PCDH15: variants seen among roughly 807,000 people sequenced by gnomAD.
PCDH15 encodes protocadherin-15.
A neutral mutation model predicts 178.5 loss-of-function variants in PCDH15; 129 were observed. The observed-to-expected ratio is 0.72, with a 90% CI of 0.63 to 0.84. The LOEUF is 0.84. Ranked by LOEUF, PCDH15 falls within the 40% of genes least tolerant of loss-of-function variation. The probability of loss-of-function intolerance (pLI) is 0.00; values close to 1 mark genes in which losing one functional copy is unlikely to be tolerated. For missense variants in PCDH15, 2,230 were observed against 2,099.9 expected (o/e 1.06, Z -1.21); for synonymous variants, 800 against 732.0 (o/e 1.09, Z -1.50).
At chr10:55,391,644 AC>A (rs1837796051) in intron 2 of PCDH15, among the ~76,000 whole-genome samples, 1 of 151,664 alleles carries the variant, frequency 6.6e-6, no homozygotes, top group Non-Finnish European at 1.5e-5. Flanking sequence ...GCACCACCAC[AC>A]CCGCCTAATT....
chr10:54,821,775 A>G (rs1953045439), intron 3 of PCDH15, among the ~76,000 whole-genome samples: 1 of 152,104 alleles, frequency 6.6e-6, no homozygotes. Context: ...AATTGTGAGC[A>G]TTGTCATTTT....
chr10:55,305,062 T>C (rs1459877227), intron 1 of PCDH15, among the ~76,000 whole-genome samples: 1 of 152,204 alleles, frequency 6.6e-6, no homozygotes, highest in Non-Finnish European at 1.5e-5. Flanking sequence ...AAGAAGCCAC[T>C]GCTTCCATAT....
chr10:54,288,328 T>A (rs1348831316), intron 8 of PCDH15, among the ~76,000 whole-genome samples: 3 of 151,790 alleles, frequency 2.0e-5, no homozygotes, highest in African/African-American at 7.2e-5. Context: ...TCTAAATAAA[T>A]ACATAAATAA....
At position 54,263,087 on chromosome 10, in the gene PCDH15, C is replaced by A. The variant is rs144287261; in HGVS notation, c.877-26156G>T. ...CTCTACACTTGAAATACTGTATTTT[C>A]TTTGTCTCATGTTGTGTTTTGAGAC... On this transcript the variant is annotated intron_variant, in intron 8 of 37. Coordinates refer to ENST00000644397, the MANE Select transcript of PCDH15 (RefSeq NM_001384140.1). Among the ~76,000 whole-genome samples the A allele has an allele frequency of 7.9e-3, 1,189 of 150,352 alleles. 10 individuals carry two copies. The highest frequency in any genetic ancestry group is 0.033 in the South Asian group (160 of 4,828).
chr10:54,251,177 A>C (rs1258357670), intron 8 of PCDH15, among the ~76,000 whole-genome samples: 2 of 152,136 alleles, frequency 1.3e-5, no homozygotes, highest in Non-Finnish European at 2.9e-5. Context: ...AGTTCTACCT[A>C]ATCTTTGCTT....
intron 26 of PCDH15, among the ~76,000 whole-genome samples, chr10:53,897,044 T>G (rs1372268169): frequency 6.6e-6 from 1 of 152,166 alleles, no homozygotes; most frequent in Non-Finnish European, 1.5e-5. Flanking sequence ...GTGAAAAAAT[T>G]GTTTTCCACA....
At chr10:54,231,180 A>G (rs1564739845) in intron 9 of PCDH15, among the ~76,000 whole-genome samples, 2 of 152,176 alleles carry the variant, frequency 1.3e-5, no homozygotes, top group Admixed American at 6.5e-5. Context: ...GTGGGCCAGG[A>G]CCACGGCTCC....
chr10:54,202,323 GA>G (rs1427023915), intron 10 of PCDH15, among the ~76,000 whole-genome samples: 45 of 145,380 alleles, frequency 3.1e-4, no homozygotes, highest in African/African-American at 7.6e-4. Context: ...CTTAGGAAGA[GA>G]AAAAAAAAAG....
chr10:54,831,273 A>G (rs1459423726), intron 3 of PCDH15, among the ~76,000 whole-genome samples: 2 of 152,094 alleles, frequency 1.3e-5, no homozygotes, highest in East Asian at 3.9e-4. Flanking sequence ...TATTCATGGG[A>G]ACATGAAATA....
At chr10:54,125,513 T>C (rs965331549) in intron 15 of PCDH15, among the ~76,000 whole-genome samples, 2 of 152,170 alleles carry the variant, frequency 1.3e-5, no homozygotes, top group African/African-American at 4.8e-5. Flanking sequence ...ACCTTATAGG[T>C]AGATGTACTT....
At chr10:54,011,771 A>C (rs1329674790) in intron 20 of PCDH15, among the ~76,000 whole-genome samples, 1 of 152,220 alleles carries the variant, frequency 6.6e-6, no homozygotes, top group Non-Finnish European at 1.5e-5. Flanking sequence ...TCCTCTGAAA[A>C]CATCTAAATA....
chr10:54,848,345 G>A (rs919361730), intron 3 of PCDH15, among the ~76,000 whole-genome samples: 2 of 137,496 alleles, frequency 1.5e-5, no homozygotes, highest in Non-Finnish European at 3.0e-5. Flanking sequence ...TTGCGCCTCT[G>A]CACTCCAGCC....
intron 2 of PCDH15, among the ~76,000 whole-genome samples, chr10:55,459,948 T>A (rs1839636577): frequency 6.6e-6 from 1 of 151,894 alleles, no homozygotes; most frequent in Non-Finnish European, 1.5e-5. Context: ...AACTGGGAGA[T>A]CATGGGCACT....
At chr10:54,586,870 G>A (rs1267690086) in intron 2 of PCDH15, among the ~76,000 whole-genome samples, 1 of 152,084 alleles carries the variant, frequency 6.6e-6, no homozygotes, top group East Asian at 1.9e-4. Context: ...AGAAACATGG[G>A]TATATTTTCA....
chr10:54,406,398 G>A (rs975698406), intron 3 of PCDH15, among the ~76,000 whole-genome samples: 1 of 151,988 alleles, frequency 6.6e-6, no homozygotes, highest in Non-Finnish European at 1.5e-5. Context: ...ATCCTTAAGG[G>A]CCAGATATTA....
chr10:55,446,348 A>C (rs1305886617), intron 2 of PCDH15, among the ~76,000 whole-genome samples: 1 of 151,946 alleles, frequency 6.6e-6, no homozygotes, highest in African/African-American at 2.4e-5. Flanking sequence ...AGAGAAACAA[A>C]AAGTTTATTT....
intron 2 of PCDH15, among the ~76,000 whole-genome samples, chr10:54,583,524 G>A (rs563032495): frequency 6.6e-6 from 1 of 152,006 alleles, no homozygotes; most frequent in South Asian, 2.1e-4. Flanking sequence ...TACCACAATG[G>A]GCAAATGCTT....
chr10:54,352,778 A>G (rs1007058691), intron 5 of PCDH15, among the ~76,000 whole-genome samples: 4 of 152,160 alleles, frequency 2.6e-5, no homozygotes, highest in Non-Finnish European at 5.9e-5. Flanking sequence ...AATCTCCTAG[A>G]AAACCCAATC....
At chr10:54,075,480 G>A (rs953988903) in intron 17 of PCDH15, among the ~76,000 whole-genome samples, 2 of 151,846 alleles carry the variant, frequency 1.3e-5, no homozygotes, top group Admixed American at 6.6e-5. Flanking sequence ...TTTATTCTGT[G>A]TCTTTGACAC....
Sources: allele counts gnomAD v4.1 joint callset (sites outside exome capture counted in the v4.1 genomes callset), GRCh38; gene constraint gnomAD v4.1.1; transcripts MANE v1.5; gene names NCBI Gene and HGNC (gene_info 2026-07-23, HGNC 2026-07-21).